Variants in ZBTB37 observed in about 807,000 individuals in gnomAD.
ZBTB37 encodes zinc finger and BTB domain-containing protein 37.
ZBTB37 carries 15 observed loss-of-function variants against 37.7 expected under a neutral mutation model. That is an observed-to-expected ratio of 0.40 (90% CI 0.27 to 0.61). The LOEUF (loss-of-function observed/expected upper bound fraction) is 0.61, where lower values mean the gene tolerates loss of function less well. ZBTB37 is among the 20% of genes least tolerant of loss of function. The pLI is 0.44. For missense variants in ZBTB37, 514 were observed against 641.9 expected (o/e 0.80, Z 2.15); for synonymous variants, 231 against 220.6 (o/e 1.05, Z -0.42).
chr1:173,872,486 C>T (rs1404988260), intron 3 of ZBTB37, among the ~76,000 whole-genome samples: 4 of 152,128 alleles, frequency 2.6e-5, no homozygotes, highest in Non-Finnish European at 5.9e-5. Context: ...GTTTCTCCTG[C>T]CACTGTGCCT....
chr1:173,889,267 GA>G (rs1299730462), downstream of ZBTB37: 4 of 152,344 alleles, frequency 2.6e-5, no homozygotes, highest in Admixed American at 2.6e-4. Flanking sequence ...AGGAGTTACT[GA>G]TGTTCTATCT....
intron 4 of ZBTB37, among the ~76,000 whole-genome samples, chr1:173,883,292 A>G (rs1028489482): frequency 6.6e-6 from 1 of 152,192 alleles, no homozygotes; most frequent in Admixed American, 6.6e-5. Context: ...CAGCCTGACC[A>G]ACACAGAGAA....
chr1:173,870,114 A>G lies in ZBTB37; in HGVS notation c.-29-83A>G, dbSNP rs915342188. ...GGAGATTTTGAAACTTTACCAGATA[A>G]CTATGTTTAAATACTTTTGAAATGG... On this transcript the variant is annotated intron_variant, in intron 2 of 4. Transcript: ENST00000427304. The G allele has an allele frequency of 4.9e-5, 43 of 885,476 alleles. No individual in the cohort carries two copies. In the African/African-American group the frequency reaches 5.4e-4, roughly 11 times the overall value. The allele number at this position is 885,476 out of a possible 1,614,324, so 54.9% of individuals were successfully genotyped here.
At chr1:173,888,655 C>G (rs1227351241), downstream of ZBTB37, 3 of 151,988 alleles carry the variant, frequency 2.0e-5, no homozygotes, top group Non-Finnish European at 4.4e-5. Flanking sequence ...GTCTTGAACT[C>G]CTGGCCTCAA....
chr1:173,898,115 G>C (rs1397160346), exon 4 of ZBTB37: 4 of 150,996 alleles, frequency 2.6e-5, no homozygotes, highest in East Asian at 1.9e-4. Context: ...CTTTTTTTTT[G>C]GGGGGCAGGG....
intron 4 of ZBTB37, among the ~76,000 whole-genome samples, chr1:173,874,397 A>G (rs934103079): frequency 2.0e-5 from 3 of 148,138 alleles, no homozygotes; most frequent in African/African-American, 7.5e-5. Flanking sequence ...GCTGGAGTGC[A>G]TGGAGTGCAG....
At chr1:173,870,920 G>A (rs760297598) in exon 3 of ZBTB37, 10 of 1,614,194 alleles carry the variant, frequency 6.2e-6, no homozygotes, top group African/African-American at 1.3e-5. Context: ...CGTGGGGGTC[G>A]GAGTGATGAT....
exon 4 of ZBTB37, chr1:173,898,985 C>T (rs762108119): frequency 3.9e-5 from 6 of 152,198 alleles, no homozygotes; most frequent in Non-Finnish European, 7.4e-5. Flanking sequence ...GATTGGCTCC[C>T]GTATTTTAGG....
chr1:173,870,788 GTCC>G, exon 3 of ZBTB37: 1 of 1,614,234 alleles, frequency 6.2e-7, no homozygotes. Context: ...AGAGAGCTAA[GTCC>G]TCCTGAGGAG....
chr1:173,890,509 T>C (rs1447320436), downstream of ZBTB37: 1 of 152,216 alleles, frequency 6.6e-6, no homozygotes, highest in Non-Finnish European at 1.5e-5. Context: ...TGAGTCTTAA[T>C]TGAACTTAGT....
At chr1:173,870,912 T>C (rs762689986) in exon 3 of ZBTB37, 1 of 1,613,994 alleles carries the variant, frequency 6.2e-7, no homozygotes, top group South Asian at 1.1e-5. Context: ...TGGCGGACCG[T>C]GGGGGTCGGA....
At chr1:173,885,133 C>A (rs1282724429) in intron 4 of ZBTB37, among the ~76,000 whole-genome samples, 6 of 152,134 alleles carry the variant, frequency 3.9e-5, no homozygotes, top group Admixed American at 3.3e-4. Flanking sequence ...ACTCAGGAGG[C>A]TGAGGTGGGA....
chr1:173,882,442 A>G (rs983512417), intron 4 of ZBTB37, among the ~76,000 whole-genome samples: 12 of 151,824 alleles, frequency 7.9e-5, no homozygotes, highest in Non-Finnish European at 1.2e-4. Context: ...GGGTTTCACC[A>G]TATTAGCCAG....
intron 4 of ZBTB37, among the ~76,000 whole-genome samples, chr1:173,885,086 T>G (rs1409586496): frequency 1.3e-5 from 2 of 152,018 alleles, no homozygotes; most frequent in African/African-American, 2.4e-5. Context: ...GTACAAAAAT[T>G]ATCTGGGAGT....
chr1:173,899,499 G>A (rs1263384552), exon 4 of ZBTB37: 1 of 152,168 alleles, frequency 6.6e-6, no homozygotes, highest in South Asian at 2.1e-4. Context: ...CATAAATCTG[G>A]ACAGAAGCCA....
At chr1:173,884,797 G>A (rs1268037209) in intron 4 of ZBTB37, among the ~76,000 whole-genome samples, 1 of 152,130 alleles carries the variant, frequency 6.6e-6, no homozygotes, top group African/African-American at 2.4e-5. Context: ...GTCACATGTG[G>A]CTATTTAAAT....
chr1:173,881,241 G>A (rs1341969175), intron 4 of ZBTB37, among the ~76,000 whole-genome samples: 1 of 151,776 alleles, frequency 6.6e-6, no homozygotes, highest in East Asian at 1.9e-4. Context: ...TGCTCAGAAT[G>A]ATGGTTTCCA....
chr1:173,886,336 T>C, exon 5 of ZBTB37: 1 of 689,468 alleles, frequency 1.5e-6, no homozygotes, highest in South Asian at 2.4e-5. Flanking sequence ...TGGAAAATAA[T>C]CAAGCAAATC....
At chr1:173,886,633 C>G (rs1307119910) in exon 5 of ZBTB37, 2 of 153,578 alleles carry the variant, frequency 1.3e-5, no homozygotes, top group Non-Finnish European at 2.9e-5. Flanking sequence ...TTTTGTGTTT[C>G]AAGAAAAAAA....
Sources: gnomAD v4.1 joint callset for allele counts (sites outside exome capture counted in the v4.1 genomes callset) on GRCh38, gnomAD v4.1.1 for gene constraint, MANE v1.5 for transcripts, NCBI Gene and HGNC (gene_info 2026-07-23, HGNC 2026-07-21) for gene names.